Variants in LRRC31 observed in about 807,000 individuals in gnomAD.
The protein encoded by LRRC31 is leucine rich repeat containing 31.
LRRC31 carries 35 observed loss-of-function variants against 46.7 expected under a neutral mutation model. That is an observed-to-expected ratio of 0.75 (90% CI 0.57 to 0.99). LRRC31 has a LOEUF of 0.99. LRRC31 is among the 50% of genes least tolerant of loss of function. The pLI is 0.00. For synonymous variants in LRRC31, 236 were observed against 235.1 expected, an observed-to-expected ratio of 1.00 and a Z score of -0.03; for missense variants, 613 against 626.1, an observed-to-expected ratio of 0.98 and a Z score of 0.22.
chr3:169,853,560 G>T, intron 6 of LRRC31: 1 of 985,782 alleles, frequency 1.0e-6, no homozygotes, highest in Middle Eastern at 5.2e-4. Context: ...AATCTGGTGG[G>T]CTAATAACTC....
intron 7 of LRRC31, 96 bp downstream of exon 7, chr3:169,851,523 G>T (rs908381765): frequency 1.7e-5 from 21 of 1,258,124 alleles, no homozygotes; most frequent in East Asian, 1.6e-4. Context: ...TTAGTACTTC[G>T]CAAACTGGCT....
intron 8 of LRRC31, among the ~76,000 whole-genome samples, chr3:169,840,671 T>G (rs529367388): frequency 1.2e-4 from 18 of 152,364 alleles, no homozygotes; most frequent in African/African-American, 1.9e-4. Flanking sequence ...AATAATCATC[T>G]TGCTGCTTTA....
At chr3:169,867,042 TTTTTGTTTGTTTGTTTG>T (rs1781353166) in intron 1 of LRRC31, among the ~76,000 whole-genome samples, 2 of 127,764 alleles carry the variant, frequency 1.6e-5, no homozygotes, top group African/African-American at 4.5e-5. Context: ...CCATGGGTTT[TTTTTGTTTGTTTGTTTG>T]TTTTTTTTTT....
chr3:169,848,025 T>C, intron 8 of LRRC31, 95 bp downstream of exon 8: 4 of 1,263,640 alleles, frequency 3.2e-6, no homozygotes, highest in Non-Finnish European at 4.4e-6. Flanking sequence ...TCACCCCAGG[T>C]CTGGTACCTC....
chr3:169,866,526 T>C (rs1781338021), intron 1 of LRRC31, among the ~76,000 whole-genome samples: 1 of 152,240 alleles, frequency 6.6e-6, no homozygotes, highest in African/African-American at 2.4e-5. Flanking sequence ...GAGATGGTTT[T>C]CTTTTAAAGA....
Position 169,839,653 on chromosome 3 carries a change from T to C in LRRC31, c.*329A>G, listed in dbSNP as rs922931633. 1 of 151,950 alleles carries C rather than the reference T, an allele frequency of 6.6e-6. No homozygotes were observed. Among genetic ancestry groups the C allele is most frequent in the African/African-American group, 2.4e-5 (1 of 41,354 alleles). The allele number at this position is 151,950 out of a possible 1,614,324, so 9.4% of individuals were successfully genotyped here. On this transcript the variant is annotated 3_prime_UTR_variant, in exon 9 of 9. Coordinates refer to ENST00000316428, the MANE Select transcript of LRRC31 (RefSeq NM_024727.4). ...ATCTAAACACTTTTGGCAAGGCTTC[T>C]AAACAGCAAATGAACTAATTATATA...
At chr3:169,851,893 C>T in intron 6 of LRRC31, 107 bp from the exon 7 acceptor site, 1 of 1,076,662 alleles carries the variant, frequency 9.3e-7, no homozygotes, top group East Asian at 2.4e-5. Context: ...TACAGCTCTC[C>T]CCACCCCGGC....
At chr3:169,847,152 G>A (rs1236956172) in intron 8 of LRRC31, among the ~76,000 whole-genome samples, 1 of 152,086 alleles carries the variant, frequency 6.6e-6, no homozygotes, top group Non-Finnish European at 1.5e-5. Context: ...TTTTATAATG[G>A]GAAAGTGGAA....
intron 7 of LRRC31, among the ~76,000 whole-genome samples, chr3:169,849,717 C>T (rs570930785): frequency 2.6e-5 from 4 of 152,296 alleles, no homozygotes; most frequent in Admixed American, 2.0e-4. Context: ...CCCAAGTCCA[C>T]GGTTCTCTAC....
rs907410453 is a variant in LRRC31 at position 169,851,931 on chromosome 3, G to C, written c.992-145C>G. The C allele has an allele frequency of 1.1e-5, 8 of 703,158 alleles. No individual in the cohort carries two copies. In the Admixed American group the frequency reaches 2.4e-4, roughly 21 times the overall value. 43.6% of individuals were successfully genotyped at this position (703,158 alleles called of 1,614,324 possible). On this transcript the variant is annotated intron_variant, in intron 6 of 8. Transcript: ENST00000316428. ...TCCCTCCTTTATACACCCCAAACCA[G>C]CCTCTTCCCAGCATGCTGCTTGGGC... is the stretch of plus-strand genomic sequence containing the variant.
At chr3:169,861,459 A>G (rs115307986) in intron 2 of LRRC31, among the ~76,000 whole-genome samples, 3,784 of 151,028 alleles carry the variant, frequency 0.025, 140 homozygotes, top group African/African-American at 0.087. Context: ...GGCGGAGCTT[A>G]CAGTGAGCTG....
At chr3:169,841,673 A>G (rs1403903082) in intron 8 of LRRC31, among the ~76,000 whole-genome samples, 1 of 152,248 alleles carries the variant, frequency 6.6e-6, no homozygotes, top group Non-Finnish European at 1.5e-5. Context: ...CCATGTACCC[A>G]TCATTCAACT....
At chr3:169,861,568 A>G in intron 2 of LRRC31, 102 bp downstream of exon 2, 1 of 1,228,144 alleles carries the variant, frequency 8.1e-7, no homozygotes. Flanking sequence ...GGGACCACTC[A>G]GCAGACTTGG....
Position 169,839,579 on chromosome 3 carries a change from G to A in LRRC31, c.*403C>T, listed in dbSNP as rs1780384090. On this transcript the variant is annotated 3_prime_UTR_variant, in exon 9 of 9. Coordinates refer to ENST00000316428, the MANE Select transcript of LRRC31 (RefSeq NM_024727.4). The stretch of plus-strand genomic sequence containing the variant: ...TTAGAACATTTAACTTGTAGGAAAA[G>A]AAGAGGCAAAACATTTCTGGGCAAG... 2 of 151,818 alleles carry A rather than the reference G, an allele frequency of 1.3e-5. No homozygotes were observed. The highest frequency in any genetic ancestry group is 6.6e-5 in the Admixed American group (1 of 15,226). 9.4% of individuals were successfully genotyped at this position (151,818 alleles called of 1,614,324 possible).
chr3:169,861,814 C>T lies in LRRC31; in HGVS notation c.176-1G>A, dbSNP rs755007657. ...TCCATTTCTGAACTGAGAGGCTTAG[C>T]TGTGTGATAAGCATAAAAAAGAATT... On this transcript the variant is annotated splice_acceptor_variant, in intron 1 of 8. Coordinates refer to ENST00000316428, the MANE Select transcript of LRRC31 (RefSeq NM_024727.4). LOFTEE classifies it high-confidence loss of function. 11 of 1,609,866 alleles carry T rather than the reference C, an allele frequency of 6.8e-6. No homozygotes were observed. Among genetic ancestry groups the T allele is most frequent in the Non-Finnish European group, 5.9e-6 (7 of 1,179,540 alleles).
At chr3:169,857,343 T>TAC (rs1388668873) in intron 3 of LRRC31, among the ~76,000 whole-genome samples, 33 of 102,434 alleles carry the variant, frequency 3.2e-4, no homozygotes, top group Admixed American at 6.1e-4. Context: ...TATATATATA[T>TAC]ATACACACAC....
At chr3:169,847,500 AGGGAATATTT>A (rs1214948515) in intron 8 of LRRC31, among the ~76,000 whole-genome samples, 2 of 152,198 alleles carry the variant, frequency 1.3e-5, no homozygotes, top group Non-Finnish European at 2.9e-5. Flanking sequence ...AAATGATTTT[AGGGAATATTT>A]GGGTAGCCTC....
intron 7 of LRRC31, among the ~76,000 whole-genome samples, chr3:169,850,890 A>T (rs1387676133): frequency 6.6e-6 from 1 of 152,114 alleles, no homozygotes; most frequent in East Asian, 1.9e-4. Flanking sequence ...TCCATCACCC[A>T]GGGAAACAGT....
At chr3:169,865,403 G>A (rs985387622) in intron 1 of LRRC31, among the ~76,000 whole-genome samples, 4 of 152,142 alleles carry the variant, frequency 2.6e-5, no homozygotes, top group Admixed American at 6.6e-5. Context: ...AACCACACAG[G>A]AGCCGCTCTG....
Sources: gnomAD v4.1 joint callset for allele counts (sites outside exome capture counted in the v4.1 genomes callset) on GRCh38, gnomAD v4.1.1 for gene constraint, MANE v1.5 for transcripts, NCBI Gene and HGNC (gene_info 2026-07-23, HGNC 2026-07-21) for gene names.